The following COL22A1 variants were observed in gnomAD, a reference collection of about 807,000 sequenced individuals.
The protein encoded by COL22A1 is collagen type XXII alpha 1 chain.
COL22A1 carries 221 observed loss-of-function variants against 248.9 expected under a neutral mutation model. The ratio of observed to expected loss-of-function variants is 0.89; its 90% CI spans 0.80 to 0.99. The LOEUF is 0.99. COL22A1 is among the 50% of genes least tolerant of loss of function. The probability of loss-of-function intolerance (pLI) is 0.00; values close to 1 mark genes in which losing one functional copy is unlikely to be tolerated. For synonymous variants in COL22A1, 891 were observed against 793.4 expected (o/e 1.12, Z -2.07); for missense variants, 2,240 against 2,179.0 (o/e 1.03, Z -0.56).
chr8:138,858,058 C>T (rs372437492), intron 3 of COL22A1, among the ~76,000 whole-genome samples: 49 of 152,330 alleles, frequency 3.2e-4, no homozygotes, highest in African/African-American at 1.1e-3. Context: ...TGGGTGGTGA[C>T]GTCATCAGTT....
chr8:138,662,129 C>T, intron 42 of COL22A1, 46 bp from the exon 43 acceptor site: 1 of 1,514,978 alleles, frequency 6.6e-7, no homozygotes, highest in Non-Finnish European at 9.1e-7. Context: ...AATATTTAAG[C>T]AAATAAGGAC....
intron 54 of COL22A1, among the ~76,000 whole-genome samples, chr8:138,616,303 C>T (rs1378491666): frequency 6.6e-6 from 1 of 152,196 alleles, no homozygotes; most frequent in Non-Finnish European, 1.5e-5. Flanking sequence ...CAGGGAAGAA[C>T]AGCAGCTGAA....
At chr8:138,625,787 C>T (rs1820188889) in intron 51 of COL22A1, among the ~76,000 whole-genome samples, 1 of 152,058 alleles carries the variant, frequency 6.6e-6, no homozygotes, top group Non-Finnish European at 1.5e-5. Flanking sequence ...AGTTTATGAA[C>T]ATTTAACATT....
chr8:138,878,017 G>A lies in COL22A1; in HGVS notation c.391C>T (p.Pro131Ser). ...LRYITARSFS[P>S]HAGGRPRDRA... Reference sequence around the variant, plus strand: ...TCCCTGGGGCGGCCGCCGGCGTGTGGGGAGAAGCTGCGGGCCGTGATGTAG... The same window carrying A: ...TCCCTGGGGCGGCCGCCGGCGTGTGAGGAGAAGCTGCGGGCCGTGATGTAG... Residue 131 changes from proline to serine, a missense_variant, in exon 3 of 65, where the codon CCA becomes TCA. Physicochemically the swap from Pro to Ser is moderately conservative, Grantham distance 74 (BLOSUM62 -1). Coordinates refer to ENST00000303045, the MANE Select transcript of COL22A1 (RefSeq NM_152888.3). The A allele has an allele frequency of 2.5e-6, 4 of 1,589,056 alleles. No homozygotes were observed. Among genetic ancestry groups the A allele is most frequent in the East Asian group, 2.3e-5 (1 of 43,536 alleles).
intron 3 of COL22A1, among the ~76,000 whole-genome samples, chr8:138,859,352 G>A (rs547508045): frequency 6.6e-6 from 1 of 152,304 alleles, no homozygotes; most frequent in Non-Finnish European, 1.5e-5. Flanking sequence ...ACCATGTCGG[G>A]GCAGATGGCA....
intron 41 of COL22A1, among the ~76,000 whole-genome samples, chr8:138,664,834 T>C (rs1824352903): frequency 6.6e-6 from 1 of 152,192 alleles, no homozygotes; most frequent in Admixed American, 6.5e-5. Flanking sequence ...AATCATCCCT[T>C]CTTTTCACTG....
chr8:138,589,531 C>T (rs1816859999), intron 64 of COL22A1, 91 bp from the exon 65 acceptor site: 7 of 1,096,064 alleles, frequency 6.4e-6, no homozygotes, highest in Non-Finnish European at 8.8e-6. Context: ...TCACTATGAA[C>T]TCAGGACCTG....
chr8:138,695,127 C>T (rs1206190679), intron 32 of COL22A1, among the ~76,000 whole-genome samples: 5 of 152,200 alleles, frequency 3.3e-5, no homozygotes, highest in African/African-American at 1.2e-4. Flanking sequence ...ATGGGCCCAA[C>T]CCTCCTGTTA....
chr8:138,782,351 C>T lies in COL22A1; in HGVS notation c.1597-1371G>A, dbSNP rs373979255. 2.6e-5 allele frequency among the ~76,000 whole-genome samples: 4 copies of T among 152,320 alleles called. No homozygotes were observed. The East Asian group carries it at 5.8e-4, about 22-fold the overall frequency. On this transcript the variant is annotated intron_variant, in intron 12 of 64. Coordinates refer to ENST00000303045, the MANE Select transcript of COL22A1 (RefSeq NM_152888.3). ...TCCCACCTCAGCCTCCTGTGTAGCTCGGACTACATGCACACATCACCACAT... is the reference window on the plus strand; with the variant it reads ...TCCCACCTCAGCCTCCTGTGTAGCTTGGACTACATGCACACATCACCACAT...
chr8:138,727,377 G>A lies in COL22A1; in HGVS notation c.2140-1937C>T, dbSNP rs527493487. ...TGCTCAAAACCAACTTAACTGTGCT[G>A]ATCTGATCCACAGATCCTCGAGGGC... On this transcript the variant is annotated intron_variant, in intron 23 of 64. Transcript: ENST00000303045. Among the ~76,000 whole-genome samples the A allele has an allele frequency of 1.3e-3, 198 of 152,216 alleles. 2 individuals are homozygous for A. The highest frequency in any genetic ancestry group is 4.6e-3 in the African/African-American group (193 of 41,512).
intron 52 of COL22A1, among the ~76,000 whole-genome samples, chr8:138,621,563 G>A (rs994510522): frequency 7.9e-5 from 12 of 152,178 alleles, no homozygotes; most frequent in Admixed American, 6.5e-4. Flanking sequence ...CATAATACAC[G>A]TTCTGCAGAA....
chr8:138,679,380 T>C (rs191365613), intron 40 of COL22A1, among the ~76,000 whole-genome samples: 6 of 152,350 alleles, frequency 3.9e-5, no homozygotes, highest in East Asian at 1.9e-4. Context: ...ACCATGACCA[T>C]TGCAAGCTAA....
intron 9 of COL22A1, among the ~76,000 whole-genome samples, chr8:138,810,315 C>T (rs904657133): frequency 3.3e-5 from 5 of 152,228 alleles, no homozygotes; most frequent in Admixed American, 2.6e-4. Context: ...GTGACCAAAA[C>T]CTTACCATGC....
At chr8:138,794,942 AATCTC>A (rs1342777319) in intron 12 of COL22A1, among the ~76,000 whole-genome samples, 1 of 152,144 alleles carries the variant, frequency 6.6e-6, no homozygotes, top group Admixed American at 6.5e-5. Context: ...ATGGGCAAAA[AATCTC>A]AGTTAAGCAA....
intron 16 of COL22A1, among the ~76,000 whole-genome samples, chr8:138,764,472 C>G (rs547165131): frequency 6.6e-6 from 1 of 152,194 alleles, no homozygotes; most frequent in Non-Finnish European, 1.5e-5. Context: ...GCCTCAGGGT[C>G]CCCCCATTCC....
chr8:138,602,130 T>C lies in COL22A1; in HGVS notation c.4170A>G (p.Gly1390=). 1 of 1,614,150 alleles carries C rather than the reference T, an allele frequency of 6.2e-7. No individual in the cohort carries two copies. Among genetic ancestry groups the C allele is most frequent in the South Asian group, 1.1e-5 (1 of 91,084 alleles). Residue 1390 remains glycine (G), a synonymous_variant, in exon 60 of 65, where the codon GGA becomes GGG. Transcript: ENST00000303045. ...EGVPGKPGEP[G]FKGERGDPGI... ...CTCCACTCACCCTTTCTCCTTTGAA[T>C]CCAGGCTCTCCAGGCTTCCCAGGGA...
chr8:138,861,493 T>G (rs1397187239), intron 3 of COL22A1, among the ~76,000 whole-genome samples: 1 of 152,218 alleles, frequency 6.6e-6, no homozygotes, highest in African/African-American at 2.4e-5. Flanking sequence ...TCTGCAATGC[T>G]GACATCCTGC....
chr8:138,673,170 G>C (rs1466951429), intron 41 of COL22A1, among the ~76,000 whole-genome samples: 2 of 151,940 alleles, frequency 1.3e-5, no homozygotes, highest in Non-Finnish European at 2.9e-5. Flanking sequence ...ATGACATCAC[G>C]GGAGGAAGGA....
rs1305738144 is a variant in COL22A1 at position 138,912,691 on chromosome 8, C to T, written c.-73+928G>A. ...CCGGGAGGCAGAGGTCACAGTGAGC[C>T]GAGGCTGCACCTCGCACCATTGTAC... On this transcript the variant is annotated intron_variant, in intron 1 of 64. Transcript: ENST00000303045. Among the ~76,000 whole-genome samples, 3 of 151,900 alleles carry T rather than the reference C, an allele frequency of 2.0e-5. No individual in the cohort carries two copies. The South Asian group carries it at 6.2e-4, about 32-fold the overall frequency.
Sources: gnomAD v4.1 joint callset for allele counts (sites outside exome capture counted in the v4.1 genomes callset) on GRCh38, gnomAD v4.1.1 for gene constraint, MANE v1.5 for transcripts, NCBI Gene and HGNC (gene_info 2026-07-23, HGNC 2026-07-21) for gene names.